Variants in TRMT11 observed in about 807,000 individuals in gnomAD.
TRMT11 encodes tRNA (guanine(10)-N(2))-methyltransferase TRMT11.
Under a neutral mutation model 62.8 loss-of-function variants are expected in TRMT11, and 53 were observed. The ratio of observed to expected loss-of-function variants is 0.84; its 90% CI spans 0.68 to 1.06. TRMT11 has a LOEUF of 1.06. Ranked by LOEUF, TRMT11 falls within the 50% of genes least tolerant of loss-of-function variation. TRMT11 has a pLI of 0.00. For synonymous variants in TRMT11, 188 were observed against 190.3 expected (o/e 0.99, Z 0.10); for missense variants, 556 against 553.4 (o/e 1.00, Z -0.05).
At chr6:126,149,660 G>A (rs942485567) in intron 21 of TRMT11, among the ~76,000 whole-genome samples, 11 of 152,156 alleles carry the variant, frequency 7.2e-5, no homozygotes, top group African/African-American at 2.4e-4. Flanking sequence ...AAAAAGGGAA[G>A]GCAATAGGAG....
At chr6:126,199,644 C>T (rs1317075398) in intron 2 of TRMT11, 4 of 152,220 alleles carry the variant, frequency 2.6e-5, no homozygotes, top group Non-Finnish European at 2.9e-5. Flanking sequence ...CACTGTAAAT[C>T]TGCTGTAAAC....
chr6:126,182,007 A>G (rs747198887), intron 1 of TRMT11, among the ~76,000 whole-genome samples: 1 of 152,222 alleles, frequency 6.6e-6, no homozygotes, highest in African/African-American at 2.4e-5. Flanking sequence ...GAAATTGTAG[A>G]CAGTTTCTAC....
At chr6:126,211,180 G>A in the TRMT11 span, among the ~76,000 whole-genome samples, 2 of 152,036 alleles carry the variant, frequency 1.3e-5, no homozygotes, top group Non-Finnish European at 2.9e-5. Flanking sequence ...TACACTGTCT[G>A]GTCCTTAGCA....
intron 17 of TRMT11, among the ~76,000 whole-genome samples, chr6:126,078,165 C>T (rs1473330155): frequency 1.3e-5 from 2 of 152,162 alleles, no homozygotes; most frequent in Non-Finnish European, 2.9e-5. Flanking sequence ...CTAAGAGTCA[C>T]TTTCCTGAGG....
downstream of TRMT11, among the ~76,000 whole-genome samples, chr6:126,041,436 A>G (rs1336143467): frequency 6.6e-6 from 1 of 152,058 alleles, no homozygotes; most frequent in Non-Finnish European, 1.5e-5. Context: ...AATATAAGCA[A>G]CTCTGGCTCT....
chr6:126,048,123 C>T (rs1467015666), intron 16 of TRMT11, among the ~76,000 whole-genome samples: 2 of 152,202 alleles, frequency 1.3e-5, no homozygotes, highest in Admixed American at 6.5e-5. Flanking sequence ...ATAAAGGTTA[C>T]ATATAGGGGC....
the TRMT11 span, among the ~76,000 whole-genome samples, chr6:126,224,507 C>T: frequency 6.6e-6 from 1 of 152,204 alleles, no homozygotes; most frequent in Non-Finnish European, 1.5e-5. Flanking sequence ...CAAGTTTAAG[C>T]ACCTGTTGAT....
At position 126,146,901 on chromosome 6, in the gene TRMT11, A is replaced by T. The variant is rs552481123; in HGVS notation, c.*1824-27924A>T. 9.5e-4 allele frequency among the ~76,000 whole-genome samples: 105 copies of T among 110,450 alleles called. 35 individuals carry two copies. The highest frequency in any genetic ancestry group is 3.3e-3 in the African/African-American group (93 of 28,264). The allele number at this position is 110,450 out of a possible 152,430, so 72.5% of individuals were successfully genotyped here. ...AATTATTTATATTGTTTCTACTAAA[A>T]GTGATTATTAGACATAATGTCAAGA... On this transcript the variant is annotated intron_variant and NMD_transcript_variant, in intron 21 of 22. Transcript: ENST00000648977.
At chr6:126,192,344 A>C (rs1778613068) in intron 1 of TRMT11, among the ~76,000 whole-genome samples, 1 of 152,076 alleles carries the variant, frequency 6.6e-6, no homozygotes, top group African/African-American at 2.4e-5. Context: ...TTTTTGGTGA[A>C]GGCTTTAGGT....
At chr6:126,157,951 G>T (rs1019425220) in intron 21 of TRMT11, among the ~76,000 whole-genome samples, 1 of 152,046 alleles carries the variant, frequency 6.6e-6, no homozygotes, top group Non-Finnish European at 1.5e-5. Flanking sequence ...AAAAGCCTTT[G>T]TAACCAACAC....
the TRMT11 span, among the ~76,000 whole-genome samples, chr6:126,266,287 G>A: frequency 3.3e-5 from 5 of 152,246 alleles, no homozygotes; most frequent in South Asian, 4.2e-4. Flanking sequence ...TACTTGGGGC[G>A]CTCAGAATGT....
chr6:126,179,606 A>C (rs1778432930), intron 1 of TRMT11, among the ~76,000 whole-genome samples: 1 of 152,212 alleles, frequency 6.6e-6, no homozygotes, highest in African/African-American at 2.4e-5. Flanking sequence ...GTCATGAAAA[A>C]ATCAAAATAT....
chr6:126,259,424 T>C, the TRMT11 span, among the ~76,000 whole-genome samples: 1 of 152,236 alleles, frequency 6.6e-6, no homozygotes, highest in Non-Finnish European at 1.5e-5. Flanking sequence ...CTTGAACTCC[T>C]GACCTTAGGT....
At chr6:126,210,156 A>G in the TRMT11 span, among the ~76,000 whole-genome samples, 1 of 152,230 alleles carries the variant, frequency 6.6e-6, no homozygotes, top group Non-Finnish European at 1.5e-5. Context: ...AAGGGAGATC[A>G]TGCTGGTTGA....
chr6:126,257,040 C>T, the TRMT11 span, among the ~76,000 whole-genome samples: 1 of 151,882 alleles, frequency 6.6e-6, no homozygotes, highest in Non-Finnish European at 1.5e-5. Flanking sequence ...TGTGTGCCAC[C>T]ACACCCGGCT....
At chr6:126,249,402 A>G in the TRMT11 span, among the ~76,000 whole-genome samples, 2 of 152,112 alleles carry the variant, frequency 1.3e-5, no homozygotes, top group African/African-American at 2.4e-5. Flanking sequence ...TCAGTGTCCA[A>G]TCACACTACT....
At chr6:126,144,998 A>G (rs1157613613) in intron 21 of TRMT11, among the ~76,000 whole-genome samples, 2 of 152,172 alleles carry the variant, frequency 1.3e-5, no homozygotes, top group African/African-American at 2.4e-5. Context: ...ATAGATCTCC[A>G]TCCTACTTTT....
chr6:126,135,541 T>C lies in TRMT11; in HGVS notation c.*1823+19686T>C, dbSNP rs139593814. Reference sequence around the variant, plus strand: ...ACCAAGGACCTGAAGGATTCACTGCTGAATTCTACCAAAACATTTGAAGAA... The same window carrying C: ...ACCAAGGACCTGAAGGATTCACTGCCGAATTCTACCAAAACATTTGAAGAA... On this transcript the variant is annotated intron_variant and NMD_transcript_variant, in intron 21 of 22. Coordinates refer to the TRMT11 transcript ENST00000648977. Among the ~76,000 whole-genome samples the C allele has an allele frequency of 2.0e-5, 3 of 151,914 alleles. No individual in the cohort carries two copies. The East Asian group carries it at 5.8e-4, about 29-fold the overall frequency.
At chr6:126,175,755 T>C (rs1430113854), upstream of TRMT11, among the ~76,000 whole-genome samples, 1 of 152,226 alleles carries the variant, frequency 6.6e-6, no homozygotes, top group Admixed American at 6.5e-5. Flanking sequence ...AGTTTAGTAC[T>C]CTGCAGACAT....
Sources: gnomAD v4.1 joint callset for allele counts (sites outside exome capture counted in the v4.1 genomes callset) on GRCh38, gnomAD v4.1.1 for gene constraint, MANE v1.5 for transcripts, NCBI Gene and HGNC (gene_info 2026-07-23, HGNC 2026-07-21) for gene names.